Variants in MAPKAPK3 observed in about 807,000 individuals in gnomAD.
The protein encoded by MAPKAPK3 is MAPK activated protein kinase 3, also known as MAP kinase-activated protein kinase 3.
A neutral mutation model predicts 49.2 loss-of-function variants in MAPKAPK3; 35 were observed. The observed-to-expected ratio is 0.71, with a 90% confidence interval of 0.54 to 0.94. The LOEUF is 0.94. Among genes scored for constraint, MAPKAPK3 ranks in the 40% least tolerant of loss-of-function variants. The pLI, the probability that MAPKAPK3 is intolerant of heterozygous loss-of-function variation, is 0.00. For missense variants in MAPKAPK3, 398 were observed against 493.1 expected (o/e 0.81, Z 1.83); for synonymous variants, 178 against 188.7 (o/e 0.94, Z 0.46).
At chr3:50,616,839 A>G (rs2032475698), upstream of MAPKAPK3, among the ~76,000 whole-genome samples, 1 of 151,928 alleles carries the variant, frequency 6.6e-6, no homozygotes, top group Non-Finnish European at 1.5e-5. Flanking sequence ...TTTCAAGAGA[A>G]ATAAGACGTC....
At chr3:50,633,416 A>G (rs942531553) in intron 2 of MAPKAPK3, among the ~76,000 whole-genome samples, 1 of 151,652 alleles carries the variant, frequency 6.6e-6, no homozygotes, top group African/African-American at 2.4e-5. Flanking sequence ...GCATGCACAC[A>G]TTCATGTTCC....
intron 2 of MAPKAPK3, among the ~76,000 whole-genome samples, chr3:50,638,333 G>A (rs907581820): frequency 2.0e-5 from 3 of 152,140 alleles, no homozygotes; most frequent in Admixed American, 6.5e-5. Flanking sequence ...CCTAGCTAGG[G>A]CCGCCACAGG....
intron 2 of MAPKAPK3, among the ~76,000 whole-genome samples, chr3:50,625,212 A>T (rs2032709208): frequency 6.6e-6 from 1 of 152,158 alleles, no homozygotes; most frequent in Non-Finnish European, 1.5e-5. Context: ...TCATGCTATG[A>T]GACAACATAG....
At chr3:50,629,431 C>T (rs1325057752) in intron 2 of MAPKAPK3, among the ~76,000 whole-genome samples, 1 of 152,190 alleles carries the variant, frequency 6.6e-6, no homozygotes, top group Non-Finnish European at 1.5e-5. Flanking sequence ...ATCATGGCCC[C>T]CAATACCTTC....
chr3:50,639,314 C>T (rs1300631061), intron 2 of MAPKAPK3, among the ~76,000 whole-genome samples: 1 of 152,266 alleles, frequency 6.6e-6, no homozygotes, highest in South Asian at 2.1e-4. Context: ...CTGTCATCTC[C>T]CTCAACTAGG....
intron 5 of MAPKAPK3, among the ~76,000 whole-genome samples, chr3:50,643,785 C>T (rs1209008638): frequency 3.3e-5 from 5 of 152,076 alleles, no homozygotes; most frequent in African/African-American, 1.2e-4. Flanking sequence ...CATCCTTCTA[C>T]CCCGGCTCTG....
chr3:50,646,491 A>T (rs750325674), intron 8 of MAPKAPK3, among the ~76,000 whole-genome samples: 26 of 152,128 alleles, frequency 1.7e-4, no homozygotes, highest in Non-Finnish European at 2.9e-4. Context: ...CCTATTCCTC[A>T]TTCATATTTT....
At chr3:50,615,363 C>T (rs535198892), upstream of MAPKAPK3, among the ~76,000 whole-genome samples, 1 of 152,242 alleles carries the variant, frequency 6.6e-6, no homozygotes, top group African/African-American at 2.4e-5. Flanking sequence ...GTGTTATATG[C>T]ATGTGTGTTT....
chr3:50,617,028 C>A (rs566705921), upstream of MAPKAPK3: 1 of 150,224 alleles, frequency 6.7e-6, no homozygotes, highest in African/African-American at 2.5e-5. Context: ...CCGCCTGGCC[C>A]TTTAAGGCTG....
chr3:50,632,087 TG>T (rs1376453088), intron 2 of MAPKAPK3, among the ~76,000 whole-genome samples: 2 of 152,276 alleles, frequency 1.3e-5, no homozygotes, highest in Non-Finnish European at 2.9e-5. Flanking sequence ...GCATATGTGC[TG>T]GCCTCAGTCT....
intron 2 of MAPKAPK3, among the ~76,000 whole-genome samples, chr3:50,624,125 G>A (rs991117918): frequency 6.6e-6 from 1 of 152,274 alleles, no homozygotes; most frequent in African/African-American, 2.4e-5. Context: ...AGACTGGTGA[G>A]TGGGCGAGTG....
chr3:50,619,694 C>T (rs373588072), intron 2 of MAPKAPK3, among the ~76,000 whole-genome samples: 7 of 152,222 alleles, frequency 4.6e-5, no homozygotes, highest in African/African-American at 1.7e-4. Flanking sequence ...CTGTGGTGTC[C>T]AGATGCTGTG....
upstream of MAPKAPK3, chr3:50,611,583 C>T (rs762269250): frequency 1.8e-5 from 28 of 1,523,806 alleles, no homozygotes; most frequent in East Asian, 2.2e-4. Flanking sequence ...CCTGTTCTCC[C>T]GTGCGCCCCT....
intron 6 of MAPKAPK3, 145 bp downstream of exon 6, chr3:50,644,677 G>C: frequency 1.2e-6 from 1 of 811,998 alleles, no homozygotes; most frequent in Middle Eastern, 3.9e-4. Context: ...GGCGGGTGAC[G>C]TGGGGGGCCG....
intron 10 of MAPKAPK3, 126 bp downstream of exon 10, chr3:50,647,329 T>A: frequency 1.4e-6 from 1 of 732,718 alleles, no homozygotes; most frequent in Non-Finnish European, 2.3e-6. Context: ...AGGGTGTCAG[T>A]GACTGTCGCA....
intron 2 of MAPKAPK3, among the ~76,000 whole-genome samples, chr3:50,629,072 A>G (rs1389788651): frequency 1.3e-5 from 2 of 152,026 alleles, no homozygotes; most frequent in Non-Finnish European, 2.9e-5. Flanking sequence ...CTTGGTTCCC[A>G]TTCCCCAGGG....
intron 10 of MAPKAPK3, among the ~76,000 whole-genome samples, chr3:50,647,527 G>A (rs2033332388): frequency 6.6e-6 from 1 of 152,270 alleles, no homozygotes; most frequent in Non-Finnish European, 1.5e-5. Context: ...TTGAACATAT[G>A]GAGTAGCAGC....
chr3:50,647,177 G>T lies in MAPKAPK3; in HGVS notation c.970G>T (p.Asp324Tyr). Residue 324 changes from aspartate (D) to tyrosine (Y), a missense_variant, in exon 10 of 11, where the codon GAC (aspartate) becomes TAC (tyrosine). This residue lies in a region of MAPKAPK3 where 152 missense variants were observed against 177.3 expected (regional missense o/e 0.86). Transcript: ENST00000621469. ...PLHTARVLQEDKDHWDEVKEE... is the reference protein window; with the variant it reads ...PLHTARVLQEYKDHWDEVKEE... ...CCACACGGCCCGAGTGCTGCAGGAG[G>T]ACAAAGACCACTGGGACGAAGTCAA... 6.3e-7 allele frequency: 1 copy of T among 1,596,674 alleles called. No individual in the cohort carries two copies. Among genetic ancestry groups the T allele is most frequent in the Admixed American group, 1.7e-5 (1 of 57,716 alleles).
intron 2 of MAPKAPK3, among the ~76,000 whole-genome samples, chr3:50,623,552 C>T (rs1414329782): frequency 2.0e-5 from 3 of 152,168 alleles, no homozygotes; most frequent in Non-Finnish European, 4.4e-5. Context: ...GATTCTGATA[C>T]CCCCATAAAC....
Sources: allele counts gnomAD v4.1 joint callset (sites outside exome capture counted in the v4.1 genomes callset), GRCh38; gene constraint gnomAD v4.1.1; regional missense constraint gnomAD v4.1.1; transcripts MANE v1.5; gene names NCBI Gene and HGNC (gene_info 2026-07-23, HGNC 2026-07-21).